Variants in GPC5 observed in about 807,000 individuals in gnomAD.
GPC5 encodes the protein glypican 5.
GPC5 carries 47 observed loss-of-function variants against 53.9 expected under a neutral mutation model. The ratio of observed to expected loss-of-function variants is 0.87; its 90% CI spans 0.69 to 1.11. The LOEUF (loss-of-function observed/expected upper bound fraction) is 1.11, where lower values mean the gene tolerates loss of function less well. Among genes scored for constraint, GPC5 ranks in the 50% most tolerant of loss-of-function variants. The pLI, the probability that GPC5 is intolerant of heterozygous loss-of-function variation, is 0.00. For synonymous variants in GPC5, 286 were observed against 263.3 expected (o/e 1.09, Z -0.84); for missense variants, 748 against 713.1 (o/e 1.05, Z -0.56).
intron 6 of GPC5, among the ~76,000 whole-genome samples, chr13:92,104,086 T>C (rs572412699): frequency 3.9e-5 from 6 of 152,256 alleles, no homozygotes; most frequent in South Asian, 2.1e-4. Context: ...ATAAATCAGG[T>C]CAAACTCACA....
chr13:91,747,443 G>A (rs2037073838), intron 4 of GPC5, among the ~76,000 whole-genome samples: 1 of 152,166 alleles, frequency 6.6e-6, no homozygotes, highest in Non-Finnish European at 1.5e-5. Context: ...GGCTATGAAT[G>A]AGCAATTGTG....
intron 7 of GPC5, among the ~76,000 whole-genome samples, chr13:92,193,042 G>A (rs945840629): frequency 1.3e-5 from 2 of 152,104 alleles, no homozygotes; most frequent in African/African-American, 4.8e-5. Context: ...GGGTGTGTTG[G>A]CGAGTGCCTG....
chr13:92,219,168 T>C (rs1331574185), intron 7 of GPC5, among the ~76,000 whole-genome samples: 5 of 152,124 alleles, frequency 3.3e-5, no homozygotes, highest in Admixed American at 1.3e-4. Context: ...CTGCTTCATT[T>C]TGGGAATAGC....
intron 7 of GPC5, among the ~76,000 whole-genome samples, chr13:92,635,780 C>G (rs557200795): frequency 2.7e-4 from 41 of 152,222 alleles, no homozygotes; most frequent in Non-Finnish European, 5.4e-4. Flanking sequence ...ACATCTTTAC[C>G]AGGCTTAACG....
In GPC5 at chr13:92,547,819, CTTTT is replaced by C. The variant is rs567478017; in HGVS notation, c.1562-318442_1562-318439del. The stretch of plus-strand genomic sequence containing the variant: ...AAGAAAACTTATTATGCCTATTATT[CTTTT>C]TTTTTTTTTTTTTTTTTTTTCTTTT... On this transcript the variant is annotated intron_variant, in intron 7 of 7. Coordinates refer to ENST00000377067, the MANE Select transcript of GPC5 (RefSeq NM_004466.6). 9.7e-3 allele frequency among the ~76,000 whole-genome samples: 974 copies of C among 100,400 alleles called. 4 individuals are homozygous for C. The highest frequency in any genetic ancestry group is 0.017 in the African/African-American group (428 of 24,928). 65.9% of individuals were successfully genotyped at this position (100,400 alleles called of 152,430 possible). A position where few individuals can be genotyped will look rare whatever the true frequency, so the allele number is the denominator to read the frequency against.
intron 7 of GPC5, among the ~76,000 whole-genome samples, chr13:92,580,846 TG>T (rs1883346595): frequency 6.6e-6 from 1 of 152,152 alleles, no homozygotes; most frequent in Non-Finnish European, 1.5e-5. Flanking sequence ...CCTGCAACAT[TG>T]GGGGTTATAT....
In GPC5 at chr13:91,697,903, CT is replaced by C. The variant is rs200034619; in HGVS notation, c.1020+4038del. Among the ~76,000 whole-genome samples, 1,171 of 139,170 alleles carry C rather than the reference CT, an allele frequency of 8.4e-3. 14 individuals carry two copies. The highest frequency in any genetic ancestry group is 0.021 in the African/African-American group (795 of 38,594). 91.3% of individuals were successfully genotyped at this position (139,170 alleles called of 152,430 possible). On this transcript the variant is annotated intron_variant, in intron 3 of 7. Coordinates refer to ENST00000377067, the MANE Select transcript of GPC5 (RefSeq NM_004466.6). ...CAGTTTTAGGAAAAAAAGATGTTTT[CT>C]TTTTTTTTTTTTTTTGAGACGGAGT...
intron 6 of GPC5, among the ~76,000 whole-genome samples, chr13:91,917,692 G>A (rs183797620): frequency 9.9e-5 from 15 of 152,252 alleles, no homozygotes; most frequent in South Asian, 6.2e-4. Context: ...TAGGGCAGGG[G>A]CAAAATTCTT....
At chr13:91,822,644 T>C (rs1331702847) in intron 5 of GPC5, among the ~76,000 whole-genome samples, 1 of 152,106 alleles carries the variant, frequency 6.6e-6, no homozygotes, top group Non-Finnish European at 1.5e-5. Context: ...ACCCCTGTGC[T>C]GTTCTCATGA....
intron 6 of GPC5, among the ~76,000 whole-genome samples, chr13:92,140,150 T>C (rs2041819538): frequency 6.6e-6 from 1 of 152,184 alleles, no homozygotes; most frequent in African/African-American, 2.4e-5. Flanking sequence ...TGAAAGGGTG[T>C]ATTCTATGTG....
intron 3 of GPC5, among the ~76,000 whole-genome samples, chr13:91,705,695 C>A (rs866280802): frequency 0.023 from 2,825 of 123,028 alleles, 103 homozygotes; most frequent in African/African-American, 0.084. Context: ...CTAAAAACAC[C>A]CCCCCCCCCA....
intron 7 of GPC5, among the ~76,000 whole-genome samples, chr13:92,568,310 C>T (rs142982586): frequency 0.012 from 1,847 of 152,192 alleles, 35 homozygotes; most frequent in African/African-American, 0.042. Context: ...TCTAAGTATG[C>T]CTGCTAGACA....
chr13:92,206,155 A>AT lies in GPC5; in HGVS notation c.1561+61177dup, dbSNP rs1266783877. Reference sequence around the variant, plus strand: ...TTGTTATCGTTGTTGTGTTTTTTTTATTTTTTTTTTTATTTTTTTTTTTTT... The same window carrying AT: ...TTGTTATCGTTGTTGTGTTTTTTTTATTTTTTTTTTTTATTTTTTTTTTTTT... On this transcript the variant is annotated intron_variant, in intron 7 of 7. Transcript: ENST00000377067. Among the ~76,000 whole-genome samples the AT allele has an allele frequency of 4.8e-3, 261 of 54,904 alleles. 2 individuals are homozygous for AT. The highest frequency in any genetic ancestry group is 0.019 in the African/African-American group (210 of 10,788). 36.0% of individuals were successfully genotyped at this position (54,904 alleles called of 152,430 possible).
chr13:92,364,748 TAATAA>T (rs962807709), intron 7 of GPC5, among the ~76,000 whole-genome samples: 6 of 151,654 alleles, frequency 4.0e-5, no homozygotes, highest in African/African-American at 4.9e-5. Context: ...AAATAATAAG[TAATAA>T]AATAAAATAC....
intron 5 of GPC5, among the ~76,000 whole-genome samples, chr13:91,831,270 G>A (rs2038654792): frequency 6.6e-6 from 1 of 151,442 alleles, no homozygotes; most frequent in South Asian, 2.1e-4. Context: ...ATGAGAGAAA[G>A]ATGCAGGCTG....
intron 7 of GPC5, among the ~76,000 whole-genome samples, chr13:92,461,533 G>T (rs1205157611): frequency 6.6e-6 from 1 of 152,228 alleles, no homozygotes; most frequent in Admixed American, 6.5e-5. Context: ...TGGATTGAAT[G>T]TTTGTGTCCT....
At chr13:92,062,860 T>C (rs902032721) in intron 6 of GPC5, among the ~76,000 whole-genome samples, 2 of 152,004 alleles carry the variant, frequency 1.3e-5, no homozygotes, top group African/African-American at 4.8e-5. Context: ...TCAGCAAACA[T>C]TTATTGAGCA....
intron 6 of GPC5, among the ~76,000 whole-genome samples, chr13:92,124,531 A>G (rs1332961546): frequency 6.6e-6 from 1 of 152,238 alleles, no homozygotes; most frequent in Non-Finnish European, 1.5e-5. Flanking sequence ...AAAGCAAGCA[A>G]CACTTTTGAC....
At chr13:91,781,807 C>T (rs2037802842) in intron 5 of GPC5, among the ~76,000 whole-genome samples, 1 of 152,212 alleles carries the variant, frequency 6.6e-6, no homozygotes, top group African/African-American at 2.4e-5. Flanking sequence ...TTCGCAATCT[C>T]ACTTCAGTAA....
Sources: gnomAD v4.1 joint callset for allele counts (sites outside exome capture counted in the v4.1 genomes callset) on GRCh38, gnomAD v4.1.1 for gene constraint, MANE v1.5 for transcripts, NCBI Gene and HGNC (gene_info 2026-07-23, HGNC 2026-07-21) for gene names.